The following VPS50 variants were observed in gnomAD, a reference collection of about 807,000 sequenced individuals.
The protein encoded by VPS50 is syndetin.
In VPS50, 70 loss-of-function variants were observed where a neutral mutation model predicts 139.7. That is an observed-to-expected ratio of 0.50 (90% confidence interval 0.41 to 0.61). VPS50 has a LOEUF of 0.61. VPS50 is among the 20% of genes least tolerant of loss of function. VPS50 has a pLI of 0.00. For missense variants in VPS50, 921 were observed against 1,133.7 expected, an observed-to-expected ratio of 0.81 and a Z score of 2.69; for synonymous variants, 365 against 376.7, an observed-to-expected ratio of 0.97 and a Z score of 0.36.
At chr7:93,245,485 T>C (rs1795122196) in intron 2 of VPS50, among the ~76,000 whole-genome samples, 1 of 150,576 alleles carries the variant, frequency 6.6e-6, no homozygotes. Context: ...AAAATTAAGA[T>C]GTACACACTC....
chr7:93,271,096 C>T, intron 9 of VPS50, 124 bp from the exon 10 acceptor site: 1 of 1,371,528 alleles, frequency 7.3e-7, no homozygotes, highest in Non-Finnish European at 9.5e-7. Context: ...AATTCAGCAG[C>T]ATGTCTTACG....
At chr7:93,343,993 T>A (rs1798307468) in intron 23 of VPS50, among the ~76,000 whole-genome samples, 1 of 152,132 alleles carries the variant, frequency 6.6e-6, no homozygotes, top group South Asian at 2.1e-4. Flanking sequence ...TAACTTTAAA[T>A]GTAAATGGAC....
intron 9 of VPS50, among the ~76,000 whole-genome samples, chr7:93,269,015 AT>A (rs912802431): frequency 3.3e-5 from 5 of 152,116 alleles, no homozygotes; most frequent in African/African-American, 1.2e-4. Context: ...TGACGCTGAG[AT>A]TTTCAGCTTT....
intron 2 of VPS50, chr7:93,245,964 G>T: frequency 1.6e-6 from 1 of 624,678 alleles, no homozygotes; most frequent in Non-Finnish European, 2.8e-6. Flanking sequence ...CATTTGGAAA[G>T]AGATAAAATC....
chr7:93,258,726 TA>T (rs1395225826), intron 8 of VPS50, among the ~76,000 whole-genome samples: 1 of 152,082 alleles, frequency 6.6e-6, no homozygotes, highest in African/African-American at 2.4e-5. Flanking sequence ...TGTGATACTT[TA>T]GTTTTGTTCA....
chr7:93,259,661 A>T lies in VPS50; in HGVS notation c.659+29A>T, dbSNP rs758088966. 2.5e-6 allele frequency: 3 copies of T among 1,176,676 alleles called. No homozygotes were observed. The South Asian group carries it at 3.8e-5, about 15-fold the overall frequency. 72.9% of individuals were successfully genotyped at this position (1,176,676 alleles called of 1,614,324 possible). A position where few individuals can be genotyped will look rare whatever the true frequency, so the allele number is the denominator to read the frequency against. ...AGGTCATGTAAATGTTTTAAAGCAGATTCTGTTGTCAGCTTCTTATGTAGC... is the reference window on the plus strand; with the variant it reads ...AGGTCATGTAAATGTTTTAAAGCAGTTTCTGTTGTCAGCTTCTTATGTAGC... On this transcript the variant is annotated intron_variant, in intron 9 of 27. Transcript: ENST00000305866.
Position 93,249,304 on chromosome 7 carries a change from CAGAGAG to C in VPS50, c.103-3337_103-3332del, listed in dbSNP as rs994697486. 6.7e-5 allele frequency among the ~76,000 whole-genome samples: 10 copies of C among 149,282 alleles called. No homozygotes were observed. The East Asian group carries it at 1.6e-3, about 23-fold the overall frequency. On this transcript the variant is annotated intron_variant, in intron 2 of 27. Coordinates refer to ENST00000305866, the MANE Select transcript of VPS50 (RefSeq NM_017667.4). ...TTTCACTGTCATTTTGAGAGAGACA[CAGAGAG>C]AGAGAGAGAGAAAGAGAGAGAGAGA...
At chr7:93,260,436 A>G (rs6465375) in intron 9 of VPS50, among the ~76,000 whole-genome samples, 82,720 of 152,022 alleles carry the variant, frequency 0.54, 26,283 homozygotes, top group African/African-American at 0.89. Context: ...GGAAATTCTG[A>G]CATTCAGTGA....
chr7:93,324,386 C>T (rs1797706454), intron 21 of VPS50, among the ~76,000 whole-genome samples: 2 of 152,140 alleles, frequency 1.3e-5, no homozygotes, highest in African/African-American at 4.8e-5. Flanking sequence ...GGGAATGCTT[C>T]CAGTTTTTGC....
intron 20 of VPS50, among the ~76,000 whole-genome samples, chr7:93,317,008 C>T (rs1256037382): frequency 1.3e-5 from 2 of 152,080 alleles, no homozygotes; most frequent in African/African-American, 4.8e-5. Flanking sequence ...ACCTAGGAAA[C>T]AGCAGTGGAT....
At chr7:93,310,029 G>A (rs1381342578) in intron 19 of VPS50, among the ~76,000 whole-genome samples, 1 of 151,996 alleles carries the variant, frequency 6.6e-6, no homozygotes, top group Non-Finnish European at 1.5e-5. Context: ...TTTTGCGTAT[G>A]TATGATATTA....
chr7:93,298,359 A>G (rs1796873019), intron 16 of VPS50, among the ~76,000 whole-genome samples: 2 of 152,184 alleles, frequency 1.3e-5, no homozygotes, highest in African/African-American at 4.8e-5. Flanking sequence ...AGCCCTGACT[A>G]AAACAAAAGG....
rs143661818 is a variant in VPS50, at chr7:93,285,503, T to C, written c.943-6200T>C. On this transcript the variant is annotated intron_variant, in intron 12 of 27. Coordinates refer to ENST00000305866, the MANE Select transcript of VPS50 (RefSeq NM_017667.4). Reference sequence around the variant, plus strand: ...TTTACTACTTTACTTTGCATTTAAATAACTTTCAGAAGATGACATTCTTTT... The same window carrying C: ...TTTACTACTTTACTTTGCATTTAAACAACTTTCAGAAGATGACATTCTTTT... Among the ~76,000 whole-genome samples the C allele has an allele frequency of 2.5e-3, 378 of 152,330 alleles. 1 individual carries two copies. Among genetic ancestry groups the C allele is most frequent in the African/African-American group, 8.7e-3 (363 of 41,574 alleles).
At chr7:93,329,147 G>A (rs1797865473) in intron 21 of VPS50, among the ~76,000 whole-genome samples, 1 of 152,028 alleles carries the variant, frequency 6.6e-6, no homozygotes, top group East Asian at 1.9e-4. Context: ...TTGGAACCAA[G>A]GAATAAGGAT....
chr7:93,239,983 A>G, intron 2 of VPS50, 49 bp downstream of exon 2: 1 of 1,063,158 alleles, frequency 9.4e-7, no homozygotes, highest in Non-Finnish European at 1.5e-6. Flanking sequence ...TTAAGAAAAT[A>G]TGATTGCCTC....
chr7:93,315,383 A>G (rs958562309), intron 20 of VPS50, among the ~76,000 whole-genome samples: 1 of 152,226 alleles, frequency 6.6e-6, no homozygotes, highest in Non-Finnish European at 1.5e-5. Flanking sequence ...CTTTGTGTAT[A>G]TACAGATAGA....
At chr7:93,251,208 T>TA (rs1486326140) in intron 2 of VPS50, among the ~76,000 whole-genome samples, 1 of 152,216 alleles carries the variant, frequency 6.6e-6, no homozygotes, top group African/African-American at 2.4e-5. Context: ...TAGATCATTC[T>TA]ATACAGATAC....
chr7:93,310,308 G>A (rs1797230124), intron 19 of VPS50, among the ~76,000 whole-genome samples: 1 of 151,942 alleles, frequency 6.6e-6, no homozygotes, highest in Admixed American at 6.6e-5. Context: ...TCTAACTTGT[G>A]TCTCTTGAAT....
chr7:93,325,137 C>T (rs535776359), intron 21 of VPS50, among the ~76,000 whole-genome samples: 32 of 152,064 alleles, frequency 2.1e-4, no homozygotes, highest in Admixed American at 2.6e-4. Flanking sequence ...ACAGAAAAAA[C>T]GCCGCATATC....
Sources: gnomAD v4.1 joint callset for allele counts (sites outside exome capture counted in the v4.1 genomes callset) on GRCh38, gnomAD v4.1.1 for gene constraint, MANE v1.5 for transcripts, NCBI Gene and HGNC (gene_info 2026-07-23, HGNC 2026-07-21) for gene names.